Variants in TMEM217B observed in about 807,000 individuals in gnomAD.
TMEM217B encodes transmembrane protein 217B.
At chr6:37,219,022 C>T in the TMEM217B span, 2 of 1,612,422 alleles carry the variant, frequency 1.2e-6, no homozygotes. Context: ...ACCACTGCTG[C>T]TGTTTCATGC....
chr6:37,247,738 A>C, the TMEM217B span, among the ~76,000 whole-genome samples: 1 of 152,062 alleles, frequency 6.6e-6, no homozygotes, highest in East Asian at 1.9e-4. Flanking sequence ...TGTGAAAAAA[A>C]CTCTGAGAAA....
At chr6:37,237,222 G>A in the TMEM217B span, among the ~76,000 whole-genome samples, 1 of 152,178 alleles carries the variant, frequency 6.6e-6, no homozygotes, top group Non-Finnish European at 1.5e-5. Flanking sequence ...GTATCTGAGT[G>A]TTCACAATCA....
the TMEM217B span, among the ~76,000 whole-genome samples, chr6:37,216,704 C>T: frequency 1.4e-4 from 22 of 152,132 alleles, no homozygotes; most frequent in African/African-American, 5.1e-4. Flanking sequence ...CTTCAAAATT[C>T]ATGTTGAAAC....
At chr6:37,242,280 AGG>A in the TMEM217B span, among the ~76,000 whole-genome samples, 1 of 152,194 alleles carries the variant, frequency 6.6e-6, no homozygotes, top group Non-Finnish European at 1.5e-5. Context: ...AGTCAAACAC[AGG>A]CCCCCACGGT....
the TMEM217B span, among the ~76,000 whole-genome samples, chr6:37,256,848 C>G: frequency 1.3e-5 from 2 of 152,086 alleles, no homozygotes; most frequent in Admixed American, 6.6e-5. Flanking sequence ...CAAATCACCA[C>G]GGAATACAAC....
At chr6:37,255,379 C>T in the TMEM217B span, among the ~76,000 whole-genome samples, 1 of 152,030 alleles carries the variant, frequency 6.6e-6, no homozygotes, top group African/African-American at 2.4e-5. Context: ...ATATCGTCTA[C>T]ATTTTAACAG....
chr6:37,217,861 C>T, the TMEM217B span: 1 of 985,566 alleles, frequency 1.0e-6, no homozygotes, highest in South Asian at 4.7e-5. Flanking sequence ...TGCAATTCAG[C>T]TTCATCTTAT....
chr6:37,244,841 C>T, the TMEM217B span, among the ~76,000 whole-genome samples: 214 of 152,286 alleles, frequency 1.4e-3, no homozygotes, highest in Non-Finnish European at 1.3e-3. Context: ...GTTGGTTGGC[C>T]AGGCAATTTT....
At chr6:37,245,924 C>G in the TMEM217B span, among the ~76,000 whole-genome samples, 2 of 151,966 alleles carry the variant, frequency 1.3e-5, no homozygotes, top group Non-Finnish European at 2.9e-5. Flanking sequence ...CTCAGCCTCC[C>G]GAGTAGCTGT....
At chr6:37,231,539 G>T in the TMEM217B span, among the ~76,000 whole-genome samples, 1 of 150,356 alleles carries the variant, frequency 6.7e-6, no homozygotes. Flanking sequence ...CAGTCATGGT[G>T]GCGTGCACCT....
the TMEM217B span, among the ~76,000 whole-genome samples, chr6:37,233,379 A>G: frequency 6.6e-6 from 1 of 152,138 alleles, no homozygotes; most frequent in African/African-American, 2.4e-5. Context: ...TTTATAAACA[A>G]CAGAAATTTA....
the TMEM217B span, among the ~76,000 whole-genome samples, chr6:37,235,947 AG>A: frequency 6.6e-6 from 1 of 152,192 alleles, no homozygotes; most frequent in Non-Finnish European, 1.5e-5. Context: ...TGAATTTTGG[AG>A]GGGTCAAACA....
At chr6:37,222,883 A>C in the TMEM217B span, among the ~76,000 whole-genome samples, 2 of 152,234 alleles carry the variant, frequency 1.3e-5, no homozygotes, top group Non-Finnish European at 2.9e-5. Flanking sequence ...CTGCAGCTGG[A>C]GTGACAGCCG....
At chr6:37,219,194 TTAAAA>T in the TMEM217B span, among the ~76,000 whole-genome samples, 1 of 152,114 alleles carries the variant, frequency 6.6e-6, no homozygotes, top group Non-Finnish European at 1.5e-5. Context: ...CACAGGCTGT[TTAAAA>T]TAGATTGGGG....
At chr6:37,232,775 A>G in the TMEM217B span, among the ~76,000 whole-genome samples, 1 of 152,146 alleles carries the variant, frequency 6.6e-6, no homozygotes, top group East Asian at 1.9e-4. Context: ...TCTTCCATTT[A>G]TCATTTCAGT....
At chr6:37,237,896 G>T in the TMEM217B span, among the ~76,000 whole-genome samples, 1 of 152,242 alleles carries the variant, frequency 6.6e-6, no homozygotes, top group African/African-American at 2.4e-5. Context: ...CAAAGTGAAG[G>T]ATAATGAGCT....
the TMEM217B span, chr6:37,218,209 A>G: frequency 1.6e-6 from 2 of 1,287,254 alleles, no homozygotes; most frequent in African/African-American, 3.2e-5. Flanking sequence ...TTACTCTGTC[A>G]CTCAGGCTGA....
At chr6:37,218,480 AT>A in the TMEM217B span, 6 of 1,613,818 alleles carry the variant, frequency 3.7e-6, no homozygotes, top group Non-Finnish European at 5.1e-6. Flanking sequence ...CCCACTCGAA[AT>A]TGATAATCTT....
At chr6:37,215,306 A>C in the TMEM217B span, 1,288 of 1,608,816 alleles carry the variant, frequency 8.0e-4, 14 homozygotes, top group Admixed American at 5.8e-4. Flanking sequence ...AAAACAAATG[A>C]ATAAAAATTG....
Sources: gnomAD v4.1 joint callset for allele counts (sites outside exome capture counted in the v4.1 genomes callset) on GRCh38, gnomAD v4.1.1 for gene constraint, MANE v1.5 for transcripts, NCBI Gene and HGNC (gene_info 2026-07-23, HGNC 2026-07-21) for gene names.